Variants in RAB2A observed in about 807,000 individuals in gnomAD.
The protein encoded by RAB2A is ras-related protein Rab-2A.
In RAB2A, 7 loss-of-function variants were observed where a neutral mutation model predicts 32.5. The observed-to-expected ratio is 0.22, with a 90% CI of 0.12 to 0.40. RAB2A has a LOEUF of 0.40. Among genes scored for constraint, RAB2A ranks in the 10% least tolerant of loss-of-function variants. RAB2A has a pLI of 1.00. For missense variants in RAB2A, 108 were observed against 260.7 expected, an observed-to-expected ratio of 0.41 and a Z score of 4.03; for synonymous variants, 79 against 85.2, an observed-to-expected ratio of 0.93 and a Z score of 0.40.
chr8:60,605,333 C>G (rs913105076), intron 6 of RAB2A, among the ~76,000 whole-genome samples: 2 of 152,182 alleles, frequency 1.3e-5, no homozygotes, highest in African/African-American at 4.8e-5. Flanking sequence ...GGGGTGGAGC[C>G]CTCACAGAGC....
intron 1 of RAB2A, among the ~76,000 whole-genome samples, chr8:60,529,025 T>C (rs750322043): frequency 3.3e-5 from 5 of 152,226 alleles, no homozygotes; most frequent in South Asian, 2.1e-4. Flanking sequence ...TCTTGGGCAA[T>C]TGGCTACTCT....
At chr8:60,572,526 T>C (rs1808211638) in intron 3 of RAB2A, among the ~76,000 whole-genome samples, 1 of 152,238 alleles carries the variant, frequency 6.6e-6, no homozygotes, top group African/African-American at 2.4e-5. Context: ...CTTAATTCAG[T>C]ATCCTAATTC....
chr8:60,548,817 G>T (rs1229669674), intron 1 of RAB2A, among the ~76,000 whole-genome samples: 3 of 149,108 alleles, frequency 2.0e-5, no homozygotes, highest in African/African-American at 7.5e-5. Flanking sequence ...CGGGCGGGGG[G>T]CTGACCCCCC....
intron 6 of RAB2A, among the ~76,000 whole-genome samples, chr8:60,605,974 C>A (rs1402249945): frequency 6.6e-6 from 1 of 151,854 alleles, no homozygotes; most frequent in Admixed American, 6.6e-5. Flanking sequence ...TATGGTGAAA[C>A]CTCATCTGTA....
At chr8:60,613,693 A>G (rs1804400464) in intron 6 of RAB2A, among the ~76,000 whole-genome samples, 2 of 152,236 alleles carry the variant, frequency 1.3e-5, no homozygotes, top group Admixed American at 1.3e-4. Flanking sequence ...CTTGAAAGCA[A>G]AATAAAGTTA....
chr8:60,519,717 A>G (rs1313407346), intron 1 of RAB2A, among the ~76,000 whole-genome samples: 1 of 152,122 alleles, frequency 6.6e-6, no homozygotes. Flanking sequence ...ATGGCTCTGT[A>G]TTTCTTTCAG....
At chr8:60,545,566 CATCACACCCGGCAAGGA>C (rs1244403124) in intron 1 of RAB2A, among the ~76,000 whole-genome samples, 10 of 152,136 alleles carry the variant, frequency 6.6e-5, no homozygotes, top group African/African-American at 1.9e-4. Context: ...AGGTGTGAGC[CATCACACCCGGCAAGGA>C]ATCTGCATTT....
chr8:60,587,809 A>T (rs560405286), intron 5 of RAB2A, among the ~76,000 whole-genome samples: 32 of 152,358 alleles, frequency 2.1e-4, no homozygotes, highest in South Asian at 4.1e-4. Flanking sequence ...TGAAAAGACA[A>T]GCTACAGACT....
chr8:60,618,048 A>T (rs1420765538), intron 6 of RAB2A, among the ~76,000 whole-genome samples: 1 of 152,250 alleles, frequency 6.6e-6, no homozygotes, highest in Non-Finnish European at 1.5e-5. Context: ...AGCATGAATC[A>T]GTACTTCATT....
chr8:60,615,919 T>C (rs2930038), intron 6 of RAB2A, among the ~76,000 whole-genome samples: 12,443 of 152,156 alleles, frequency 0.082, 1,544 homozygotes, highest in African/African-American at 0.27. Context: ...TTAATGTTTG[T>C]CATGAAGTAT....
At chr8:60,608,888 T>C (rs1804288774) in intron 6 of RAB2A, among the ~76,000 whole-genome samples, 1 of 152,208 alleles carries the variant, frequency 6.6e-6, no homozygotes, top group Admixed American at 6.5e-5. Flanking sequence ...ATTCAGTTAA[T>C]ACGTATCACT....
At chr8:60,543,890 C>T (rs1221283627) in intron 1 of RAB2A, among the ~76,000 whole-genome samples, 4 of 151,558 alleles carry the variant, frequency 2.6e-5, no homozygotes, top group East Asian at 2.0e-4. Flanking sequence ...GGTGAAACCC[C>T]GTCTCTACTA....
At chr8:60,581,172 A>G (rs186893889) in intron 3 of RAB2A, among the ~76,000 whole-genome samples, 2 of 152,142 alleles carry the variant, frequency 1.3e-5, no homozygotes, top group Admixed American at 6.6e-5. Context: ...GAAAATCCCA[A>G]ACTTTTTGAG....
intron 6 of RAB2A, among the ~76,000 whole-genome samples, chr8:60,608,465 C>T (rs1804274599): frequency 6.6e-6 from 1 of 151,018 alleles, no homozygotes; most frequent in Non-Finnish European, 1.5e-5. Flanking sequence ...TCCCCGCCCC[C>T]GGTCCTGCTC....
intron 6 of RAB2A, among the ~76,000 whole-genome samples, chr8:60,609,360 ACTT>A (rs893255245): frequency 6.6e-5 from 10 of 152,194 alleles, no homozygotes; most frequent in African/African-American, 1.7e-4. Context: ...GAATTGATAG[ACTT>A]CTTCTTCTCC....
intron 1 of RAB2A, among the ~76,000 whole-genome samples, chr8:60,531,954 T>C (rs991948143): frequency 3.9e-5 from 6 of 151,934 alleles, no homozygotes; most frequent in African/African-American, 1.5e-4. Context: ...AGGCGCGCAC[T>C]GCCACGCCCA....
chr8:60,557,202 T>C (rs1807952261), intron 1 of RAB2A, among the ~76,000 whole-genome samples: 1 of 152,214 alleles, frequency 6.6e-6, no homozygotes, highest in Non-Finnish European at 1.5e-5. Flanking sequence ...TTCTTTTCAC[T>C]GTCATTTCTT....
At chr8:60,606,016 G>C (rs1940488734) in intron 6 of RAB2A, among the ~76,000 whole-genome samples, 1 of 151,986 alleles carries the variant, frequency 6.6e-6, no homozygotes, top group Non-Finnish European at 1.5e-5. Flanking sequence ...GGGCGTGGTG[G>C]CTTGCGCCTG....
chr8:60,606,064 A>G (rs984430367), intron 6 of RAB2A, among the ~76,000 whole-genome samples: 1 of 152,018 alleles, frequency 6.6e-6, no homozygotes, highest in East Asian at 1.9e-4. Context: ...CAGGAGAATT[A>G]CTTGAATCAG....
Sources: allele counts gnomAD v4.1 joint callset (sites outside exome capture counted in the v4.1 genomes callset), GRCh38; gene constraint gnomAD v4.1.1; transcripts MANE v1.5; gene names NCBI Gene and HGNC (gene_info 2026-07-23, HGNC 2026-07-21).